Variants in ZNF385B observed in about 807,000 individuals in gnomAD.
The protein encoded by ZNF385B is zinc finger protein 385B, also known as zinc finger protein 533.
A neutral mutation model predicts 39.2 loss-of-function variants in ZNF385B; 23 were observed. The observed-to-expected ratio is 0.59, with a 90% CI of 0.42 to 0.83. The LOEUF (loss-of-function observed/expected upper bound fraction) is 0.83. Among genes scored for constraint, ZNF385B ranks in the 40% least tolerant of loss-of-function variants. The pLI is 0.00. For synonymous variants in ZNF385B, 205 were observed against 222.6 expected, an observed-to-expected ratio of 0.92 and a Z score of 0.70; for missense variants, 552 against 598.9, an observed-to-expected ratio of 0.92 and a Z score of 0.82.
chr2:179,638,687 C>T (rs894518293), intron 3 of ZNF385B, among the ~76,000 whole-genome samples: 12 of 152,062 alleles, frequency 7.9e-5, no homozygotes, highest in African/African-American at 2.2e-4. Context: ...AGGAGCAATA[C>T]GCAAACCGAC....
At chr2:179,744,131 T>C (rs1185151307) in intron 3 of ZNF385B, among the ~76,000 whole-genome samples, 1 of 152,088 alleles carries the variant, frequency 6.6e-6, no homozygotes. Context: ...AGAACATAAC[T>C]ATTTGGATGT....
chr2:179,796,362 G>T (rs1239193925), intron 1 of ZNF385B: 1 of 152,080 alleles, frequency 6.6e-6, no homozygotes, highest in African/African-American at 2.4e-5. Context: ...TCATTTCTTA[G>T]TACTGAAATT....
chr2:179,746,011 A>G (rs749742400), intron 3 of ZNF385B: 515 of 1,139,976 alleles, frequency 4.5e-4, no homozygotes, highest in Non-Finnish European at 5.1e-4. Flanking sequence ...TTTCAATTCT[A>G]TATCTCCATG....
chr2:179,824,898 G>A (rs1450195289), intron 1 of ZNF385B, among the ~76,000 whole-genome samples: 3 of 151,848 alleles, frequency 2.0e-5, no homozygotes, highest in Non-Finnish European at 1.5e-5. Context: ...AAACATTTTG[G>A]CAACATGTAT....
intron 3 of ZNF385B, among the ~76,000 whole-genome samples, chr2:179,704,350 T>C (rs1408019845): frequency 6.6e-6 from 1 of 152,156 alleles, no homozygotes; most frequent in Non-Finnish European, 1.5e-5. Context: ...TATAGAAAAA[T>C]GTTAATAGTA....
chr2:179,556,585 T>G (rs1253448364), intron 3 of ZNF385B, among the ~76,000 whole-genome samples: 1 of 149,566 alleles, frequency 6.7e-6, no homozygotes, highest in Non-Finnish European at 1.5e-5. Context: ...AGACAGGGCT[T>G]TACTAAAATT....
At chr2:179,678,060 G>C (rs1455356262) in intron 3 of ZNF385B, among the ~76,000 whole-genome samples, 4 of 152,078 alleles carry the variant, frequency 2.6e-5, no homozygotes, top group Non-Finnish European at 2.9e-5. Context: ...AAGAAAAAAA[G>C]AGTGACTTCA....
At chr2:179,696,761 G>A (rs1191067131) in intron 3 of ZNF385B, among the ~76,000 whole-genome samples, 2 of 152,126 alleles carry the variant, frequency 1.3e-5, no homozygotes, top group East Asian at 1.9e-4. Context: ...ATCAACATAC[G>A]TATTATATAT....
intron 1 of ZNF385B, among the ~76,000 whole-genome samples, chr2:179,773,531 C>T (rs1054002963): frequency 1.3e-5 from 2 of 152,204 alleles, no homozygotes; most frequent in Non-Finnish European, 2.9e-5. Context: ...CTCACCTCTG[C>T]ACTCCTGAGG....
At chr2:179,631,328 C>T (rs1575035826) in intron 3 of ZNF385B, among the ~76,000 whole-genome samples, 2 of 152,160 alleles carry the variant, frequency 1.3e-5, no homozygotes, top group South Asian at 4.1e-4. Flanking sequence ...TCTCTCTGCA[C>T]AAACCCTACA....
At chr2:179,715,052 A>G (rs893827719) in intron 3 of ZNF385B, among the ~76,000 whole-genome samples, 9 of 151,814 alleles carry the variant, frequency 5.9e-5, no homozygotes, top group African/African-American at 9.7e-5. Context: ...CCCCCAAACC[A>G]TGCACATCCA....
At chr2:179,613,313 T>C (rs560026517) in intron 3 of ZNF385B, among the ~76,000 whole-genome samples, 2 of 152,204 alleles carry the variant, frequency 1.3e-5, no homozygotes, top group African/African-American at 4.8e-5. Context: ...TGTCTCTCCA[T>C]AGCGACCACA....
chr2:179,705,690 C>G (rs899740523), intron 3 of ZNF385B, among the ~76,000 whole-genome samples: 2 of 152,134 alleles, frequency 1.3e-5, no homozygotes, highest in Non-Finnish European at 2.9e-5. Context: ...AAGATGAAAC[C>G]GACCAAGGGT....
At chr2:179,855,235 T>C (rs1206827075) in intron 1 of ZNF385B, among the ~76,000 whole-genome samples, 2 of 152,240 alleles carry the variant, frequency 1.3e-5, no homozygotes, top group Non-Finnish European at 2.9e-5. Context: ...AAAAGTTGAT[T>C]AGCTTTTGCC....
rs377754018 is a variant in ZNF385B at position 179,494,046 on chromosome 2, A to G, written c.553-10612T>C. On this transcript the variant is annotated intron_variant, in intron 5 of 9. Transcript: ENST00000410066. ...TAACAGATAAGTGATACACCTATGA[A>G]CATGTTATATAATGCTATAAAAAAA... is the stretch of plus-strand genomic sequence containing the variant. 6.8e-4 allele frequency among the ~76,000 whole-genome samples: 104 copies of G among 151,912 alleles called. 1 individual carries two copies. Among genetic ancestry groups the G allele is most frequent in the African/African-American group, 2.1e-3 (87 of 41,488 alleles).
At chr2:179,587,419 A>G (rs2106057627) in intron 3 of ZNF385B, among the ~76,000 whole-genome samples, 1 of 150,968 alleles carries the variant, frequency 6.6e-6, no homozygotes, top group South Asian at 2.1e-4. Context: ...AATAGATTAC[A>G]ATTTTTTAAG....
chr2:179,778,929 ATCAT>A (rs1245285773), intron 1 of ZNF385B, among the ~76,000 whole-genome samples: 2 of 152,214 alleles, frequency 1.3e-5, no homozygotes, highest in Admixed American at 1.3e-4. Flanking sequence ...ATACATAATA[ATCAT>A]TCATGTTTAT....
chr2:179,587,830 T>C (rs1404750220), intron 3 of ZNF385B, among the ~76,000 whole-genome samples: 3 of 152,216 alleles, frequency 2.0e-5, no homozygotes, highest in African/African-American at 7.2e-5. Context: ...CATAAGAAGA[T>C]CAAGGGTACT....
chr2:179,494,092 A>G (rs896729606), intron 5 of ZNF385B, among the ~76,000 whole-genome samples: 1 of 152,062 alleles, frequency 6.6e-6, no homozygotes, highest in African/African-American at 2.4e-5. Context: ...TAAGGGGTAG[A>G]CTATGGTGTA....
Sources: gnomAD v4.1 joint callset for allele counts (sites outside exome capture counted in the v4.1 genomes callset) on GRCh38, gnomAD v4.1.1 for gene constraint, MANE v1.5 for transcripts, NCBI Gene and HGNC (gene_info 2026-07-23, HGNC 2026-07-21) for gene names.